ADGRG7: variants seen among roughly 807,000 people sequenced by gnomAD.
The protein encoded by ADGRG7 is G-protein coupled receptor 128.
In ADGRG7, 82 loss-of-function variants were observed where a neutral mutation model predicts 88.6. That is an observed-to-expected ratio of 0.93 (90% CI 0.77 to 1.11). The LOEUF (loss-of-function observed/expected upper bound fraction) is 1.11. Among genes scored for constraint, ADGRG7 ranks in the 50% most tolerant of loss-of-function variants. ADGRG7 has a pLI of 0.00. For missense variants in ADGRG7, 945 were observed against 953.4 expected, an observed-to-expected ratio of 0.99 and a Z score of 0.12; for synonymous variants, 381 against 345.2, an observed-to-expected ratio of 1.10 and a Z score of -1.15.
At chr3:100,616,762 A>C (rs116060910) in intron 1 of ADGRG7, among the ~76,000 whole-genome samples, 4,455 of 152,326 alleles carry the variant, frequency 0.029, 214 homozygotes, top group African/African-American at 0.1. Flanking sequence ...TGGAGGCTAC[A>C]GTGAGCTATG....
At chr3:100,646,856 GA>G in intron 10 of ADGRG7, 132 bp downstream of exon 10, 1 of 855,704 alleles carries the variant, frequency 1.2e-6, no homozygotes, top group Non-Finnish European at 1.8e-6. Flanking sequence ...AGAAAAACAA[GA>G]AATAAAATAA....
intron 1 of ADGRG7, among the ~76,000 whole-genome samples, chr3:100,613,851 A>G (rs1378107472): frequency 6.6e-6 from 1 of 152,160 alleles, no homozygotes; most frequent in Non-Finnish European, 1.5e-5. Context: ...AGTATAGGGG[A>G]AAAATGTACA....
chr3:100,670,378 A>G (rs148703228), intron 15 of ADGRG7, among the ~76,000 whole-genome samples: 77 of 152,272 alleles, frequency 5.1e-4, no homozygotes, highest in African/African-American at 1.7e-3. Flanking sequence ...TCCATTGTGT[A>G]TATGTACTGC....
rs758857012 is a variant in ADGRG7 at position 100,655,088 on chromosome 3, G to T, written c.1633G>T (p.Ala545Ser). Residue 545 changes from alanine to serine, a missense_variant, in exon 12 of 16, where the codon GCA (alanine) becomes TCA (serine). Physicochemically the swap from Ala to Ser is moderately conservative, Grantham distance 99. Coordinates refer to ENST00000273352, the MANE Select transcript of ADGRG7 (RefSeq NM_032787.3). ...TCTGTTAGTGACATTTACCTGGAAC[G>T]CACTCAGCGCTGCACAGCTCTATTA... ...YFLLVTFTWN[A>S]LSAAQLYYLL... is the part of the protein sequence containing the mutation. The T allele has an allele frequency of 1.9e-6, 3 of 1,614,090 alleles. No individual in the cohort carries two copies. The highest frequency in any genetic ancestry group is 1.1e-5 in the South Asian group (1 of 91,084).
At chr3:100,629,139 G>T (rs765183310) in intron 1 of ADGRG7, among the ~76,000 whole-genome samples, 2 of 151,962 alleles carry the variant, frequency 1.3e-5, no homozygotes, top group Non-Finnish European at 2.9e-5. Context: ...TTTTCATCTG[G>T]TTTTTCAAGA....
chr3:100,624,918 A>T (rs1417338681), intron 1 of ADGRG7, among the ~76,000 whole-genome samples: 1 of 152,170 alleles, frequency 6.6e-6, no homozygotes, highest in African/African-American at 2.4e-5. Flanking sequence ...CACCAGTACC[A>T]TGCTGTTTTG....
At chr3:100,649,631 G>A (rs41272975) in intron 10 of ADGRG7, 64 bp from the exon 11 acceptor site, 110,187 of 848,270 alleles carry the variant, frequency 0.13, 8,470 homozygotes, top group East Asian at 0.27. Context: ...ACTCTGTGAT[G>A]TTGACTTTCA....
intron 1 of ADGRG7, among the ~76,000 whole-genome samples, chr3:100,625,263 G>C (rs144466693): frequency 1.3e-5 from 2 of 152,252 alleles, no homozygotes; most frequent in East Asian, 3.9e-4. Flanking sequence ...TCTCTTGTTA[G>C]CTGTATTCCT....
chr3:100,691,348 C>T (rs1463703228), intron 15 of ADGRG7, among the ~76,000 whole-genome samples: 1 of 152,202 alleles, frequency 6.6e-6, no homozygotes, highest in African/African-American at 2.4e-5. Flanking sequence ...TCAGCTCACA[C>T]ATGGTGCTCT....
Position 100,669,088 on chromosome 3 carries a change from CT to C in ADGRG7, c.2123del (p.Phe708SerfsTer28), listed in dbSNP as rs2094955168. 6.3e-7 allele frequency: 1 copy of C among 1,589,668 alleles called. No individual in the cohort carries two copies. Among genetic ancestry groups the C allele is most frequent in the Non-Finnish European group, 8.6e-7 (1 of 1,169,550 alleles). On this transcript the variant is annotated frameshift_variant, in exon 15 of 16. Coordinates refer to ENST00000273352, the MANE Select transcript of ADGRG7 (RefSeq NM_032787.3). LOFTEE classifies it high-confidence loss of function. ...GATCGTCTTCAGCTACATATTCTGCCTTTTCAACACTACACAGGTATGGTGC... is the reference window on the plus strand; with the variant it reads ...GATCGTCTTCAGCTACATATTCTGCCTTTCAACACTACACAGGTATGGTGC... Reference protein sequence around the residue: ...IRIVFSYIFCLFNTTQGLQIF... With the variant: ...IRIVFSYIFCXFNTTQGLQIF...
At chr3:100,688,679 G>A (rs2094987608) in intron 15 of ADGRG7, among the ~76,000 whole-genome samples, 2 of 152,162 alleles carry the variant, frequency 1.3e-5, no homozygotes, top group Non-Finnish European at 2.9e-5. Context: ...CCATGTAGTT[G>A]AGCGGTTTTG....
chr3:100,686,923 A>G (rs1020924908), intron 15 of ADGRG7, among the ~76,000 whole-genome samples: 3 of 152,322 alleles, frequency 2.0e-5, no homozygotes, highest in Non-Finnish European at 4.4e-5. Context: ...GAAGAAAGTC[A>G]TTGGTAGCTT....
At chr3:100,666,568 G>C (rs2094952081) in intron 14 of ADGRG7, among the ~76,000 whole-genome samples, 1 of 152,162 alleles carries the variant, frequency 6.6e-6, no homozygotes, top group African/African-American at 2.4e-5. Context: ...CCGTACAATC[G>C]GGTTTTATAC....
chr3:100,649,991 A>G (rs1303572805), intron 11 of ADGRG7, among the ~76,000 whole-genome samples, 184 bp downstream of exon 11: 3 of 152,216 alleles, frequency 2.0e-5, no homozygotes, highest in African/African-American at 7.2e-5. Flanking sequence ...GTAATTACAA[A>G]TTGTGGCAAG....
At chr3:100,671,802 T>G (rs2094958978) in intron 15 of ADGRG7, among the ~76,000 whole-genome samples, 1 of 152,202 alleles carries the variant, frequency 6.6e-6, no homozygotes. Flanking sequence ...GCACCATTTA[T>G]TAAATAGGGA....
Position 100,620,231 on chromosome 3 carries a change from C to G in ADGRG7, c.116-9367C>G, listed in dbSNP as rs550187164. 1.9e-3 allele frequency among the ~76,000 whole-genome samples: 287 copies of G among 152,304 alleles called. 2 individuals carry two copies. Among genetic ancestry groups the G allele is most frequent in the African/African-American group, 6.6e-3 (275 of 41,566 alleles). On this transcript the variant is annotated intron_variant, in intron 1 of 15. Transcript: ENST00000273352. ...CACCATGATCAAGTGGGCTTCATCCCTGGGATGCAAGGCTGGTTCAACATA... is the reference window on the plus strand; with the variant it reads ...CACCATGATCAAGTGGGCTTCATCCGTGGGATGCAAGGCTGGTTCAACATA...
At chr3:100,659,009 A>G (rs2094941243) in intron 13 of ADGRG7, among the ~76,000 whole-genome samples, 2 of 152,186 alleles carry the variant, frequency 1.3e-5, no homozygotes, top group Non-Finnish European at 2.9e-5. Flanking sequence ...AGATGAGAAA[A>G]AAACGCCACT....
chr3:100,690,786 G>C (rs535624396), intron 15 of ADGRG7, among the ~76,000 whole-genome samples: 2 of 152,292 alleles, frequency 1.3e-5, no homozygotes, highest in South Asian at 4.1e-4. Context: ...CTACTTGGGG[G>C]TGCCTCCCAG....
At chr3:100,663,622 T>G (rs2094948282) in intron 14 of ADGRG7, among the ~76,000 whole-genome samples, 1 of 151,968 alleles carries the variant, frequency 6.6e-6, no homozygotes. Context: ...GAAAATTCCA[T>G]CTTTACTTCT....
Sources: allele counts gnomAD v4.1 joint callset (sites outside exome capture counted in the v4.1 genomes callset), GRCh38; gene constraint gnomAD v4.1.1; transcripts MANE v1.5; gene names NCBI Gene and HGNC (gene_info 2026-07-23, HGNC 2026-07-21).